The following LPP variants were observed in gnomAD, a reference collection of about 807,000 sequenced individuals.
LPP encodes the protein lipoma-preferred partner.
LPP carries 38 observed loss-of-function variants against 60.4 expected under a neutral mutation model. The observed-to-expected ratio is 0.63, with a 90% CI of 0.49 to 0.83. The LOEUF (loss-of-function observed/expected upper bound fraction) is 0.83. Ranked by LOEUF, LPP falls within the 40% of genes least tolerant of loss-of-function variation. The pLI is 0.00. For synonymous variants in LPP, 328 were observed against 290.8 expected (o/e 1.13, Z -1.30); for missense variants, 902 against 783.6 (o/e 1.15, Z -1.80).
chr3:188,781,513 T>C (rs1251960861), intron 9 of LPP, among the ~76,000 whole-genome samples: 1 of 151,960 alleles, frequency 6.6e-6, no homozygotes, highest in Non-Finnish European at 1.5e-5. Context: ...CTTACAATCA[T>C]GGTGGAAGGC....
chr3:188,566,980 T>C (rs1337708207), intron 6 of LPP, among the ~76,000 whole-genome samples: 1 of 151,926 alleles, frequency 6.6e-6, no homozygotes, highest in Non-Finnish European at 1.5e-5. Flanking sequence ...CTGAGCTATA[T>C]AAATGCAAAG....
intron 9 of LPP, among the ~76,000 whole-genome samples, chr3:188,782,955 A>G (rs939144823): frequency 3.9e-5 from 6 of 152,138 alleles, no homozygotes; most frequent in Non-Finnish European, 8.8e-5. Flanking sequence ...GAAAGCTGCC[A>G]GAAGAAACTC....
intron 6 of LPP, among the ~76,000 whole-genome samples, chr3:188,548,127 T>C (rs1025189): frequency 0.82 from 124,972 of 152,134 alleles, 51,415 homozygotes; most frequent in East Asian, 0.94. Context: ...CCCCTGAGAC[T>C]GTAACAGAGA....
At chr3:188,247,044 A>G (rs73059655) in intron 2 of LPP, 2,730 of 217,590 alleles carry the variant, frequency 0.013, 69 homozygotes, top group African/African-American at 0.057. Flanking sequence ...AAAGCTTGAC[A>G]TGTTTGTGTG....
chr3:188,242,017 G>A (rs1725083477), intron 2 of LPP, among the ~76,000 whole-genome samples: 1 of 152,146 alleles, frequency 6.6e-6, no homozygotes, highest in South Asian at 2.1e-4. Flanking sequence ...TGAGTGATGA[G>A]GCCAAATCGC....
At chr3:188,710,724 T>C (rs1282443867) in intron 8 of LPP, 1 of 151,974 alleles carries the variant, frequency 6.6e-6, no homozygotes, top group Non-Finnish European at 1.5e-5. Flanking sequence ...ACCAAGTATA[T>C]ATGCTTCAAA....
chr3:188,560,971 T>C (rs916167624), intron 6 of LPP, among the ~76,000 whole-genome samples: 1 of 151,996 alleles, frequency 6.6e-6, no homozygotes, highest in Non-Finnish European at 1.5e-5. Flanking sequence ...CCACAGTAGG[T>C]GTTAGTTACA....
intron 7 of LPP, among the ~76,000 whole-genome samples, chr3:188,673,415 ATATT>A (rs1857348602): frequency 1.3e-5 from 2 of 152,208 alleles, no homozygotes; most frequent in African/African-American, 4.8e-5. Flanking sequence ...AAATTATTAA[ATATT>A]TATAAAACTC....
chr3:188,846,699 AAAAAG>A (rs1385528148), intron 9 of LPP, among the ~76,000 whole-genome samples: 1 of 151,706 alleles, frequency 6.6e-6, no homozygotes. Flanking sequence ...AAAAAAAAAA[AAAAAG>A]AGAGAGAAAA....
At chr3:188,336,870 A>G (rs1165004747) in intron 2 of LPP, among the ~76,000 whole-genome samples, 1 of 152,148 alleles carries the variant, frequency 6.6e-6, no homozygotes, top group Non-Finnish European at 1.5e-5. Context: ...GAGCGATGGC[A>G]CCAATTCACC....
intron 1 of LPP, among the ~76,000 whole-genome samples, chr3:188,166,411 T>C (rs1041745704): frequency 2.0e-5 from 3 of 152,174 alleles, no homozygotes; most frequent in African/African-American, 2.4e-5. Flanking sequence ...GTGGGAGATA[T>C]TGGTAGCTGG....
chr3:188,495,093 ATTTTAT>A (rs1395723743), intron 5 of LPP, among the ~76,000 whole-genome samples: 145 of 30,708 alleles, frequency 4.7e-3, no homozygotes, highest in East Asian at 0.035. Flanking sequence ...TTTTATTTAT[ATTTTAT>A]TATATATTTT....
chr3:188,699,867 T>C (rs1266581571), intron 7 of LPP, among the ~76,000 whole-genome samples: 1 of 152,134 alleles, frequency 6.6e-6, no homozygotes, highest in African/African-American at 2.4e-5. Context: ...GAGTAGAGTA[T>C]AATTCAGTGA....
At chr3:188,362,544 G>C (rs79386969) in intron 3 of LPP, among the ~76,000 whole-genome samples, 1 of 152,038 alleles carries the variant, frequency 6.6e-6, no homozygotes, top group East Asian at 1.9e-4. Flanking sequence ...TTACTCCTTA[G>C]CTTTTGTTTT....
intron 6 of LPP, among the ~76,000 whole-genome samples, chr3:188,580,600 G>A (rs1331133071): frequency 5.3e-5 from 8 of 152,116 alleles, no homozygotes; most frequent in Non-Finnish European, 1.0e-4. Context: ...GTTGTATTTA[G>A]GGTGGGAATC....
chr3:188,433,279 TC>T (rs1419696285), intron 4 of LPP, among the ~76,000 whole-genome samples: 226 of 152,234 alleles, frequency 1.5e-3, no homozygotes, highest in African/African-American at 5.2e-3. Context: ...AAATCCTTTG[TC>T]CCTGTGTGAA....
At chr3:188,598,729 A>G (rs1226419937) in intron 6 of LPP, among the ~76,000 whole-genome samples, 2 of 152,134 alleles carry the variant, frequency 1.3e-5, no homozygotes, top group South Asian at 2.1e-4. Context: ...TTTCTCAACC[A>G]TCCTCTGATT....
At chr3:188,212,757 C>T (rs748565753) in intron 1 of LPP, 5 of 152,230 alleles carry the variant, frequency 3.3e-5, no homozygotes, top group Admixed American at 1.3e-4. Flanking sequence ...TGCTGTGTCC[C>T]GTAGTGGACT....
chr3:188,234,612 A>T (rs1378361688), intron 2 of LPP, among the ~76,000 whole-genome samples: 2 of 152,202 alleles, frequency 1.3e-5, no homozygotes, highest in African/African-American at 2.4e-5. Context: ...TGACACAGAG[A>T]TGGTTAAAAG....
Sources: allele counts gnomAD v4.1 joint callset (sites outside exome capture counted in the v4.1 genomes callset), GRCh38; gene constraint gnomAD v4.1.1; transcripts MANE v1.5; gene names NCBI Gene and HGNC (gene_info 2026-07-23, HGNC 2026-07-21).